The following ARID2 variants were observed in gnomAD, a reference collection of about 807,000 sequenced individuals.
The protein encoded by ARID2 is AT-rich interaction domain 2.
A neutral mutation model predicts 184.6 loss-of-function variants in ARID2; 32 were observed. The ratio of observed to expected loss-of-function variants is 0.17; its 90% CI spans 0.13 to 0.23. The LOEUF (loss-of-function observed/expected upper bound fraction) is 0.23. ARID2 is among the 10% of genes least tolerant of loss of function. ARID2 has a pLI of 1.00. For synonymous variants in ARID2, 836 were observed against 772.6 expected, an observed-to-expected ratio of 1.08 and a Z score of -1.36; for missense variants, 1,696 against 2,197.6, an observed-to-expected ratio of 0.77 and a Z score of 4.56.
chr12:45,803,342 A>G (rs1417085246), intron 3 of ARID2, among the ~76,000 whole-genome samples: 2 of 152,078 alleles, frequency 1.3e-5, no homozygotes, highest in African/African-American at 4.8e-5. Flanking sequence ...TTTTTTTGCC[A>G]TATCTTCCAT....
At chr12:45,735,573 A>G (rs1046014657) in intron 3 of ARID2, among the ~76,000 whole-genome samples, 5 of 151,926 alleles carry the variant, frequency 3.3e-5, no homozygotes, top group Admixed American at 6.6e-5. Context: ...ACTGTGCCTC[A>G]GCCTTCCAAA....
At chr12:45,756,176 G>A (rs769293551) in intron 3 of ARID2, among the ~76,000 whole-genome samples, 4 of 152,140 alleles carry the variant, frequency 2.6e-5, no homozygotes, top group Admixed American at 6.5e-5. Context: ...AAAGTGCTGG[G>A]ATTACAGGCA....
intron 3 of ARID2, among the ~76,000 whole-genome samples, chr12:45,756,347 T>C (rs1000287255): frequency 1.3e-5 from 2 of 152,222 alleles, no homozygotes; most frequent in East Asian, 3.8e-4. Context: ...CATCATATCT[T>C]ATTAAAATTC....
rs572264981 is a variant in ARID2, at chr12:45,887,145, G to A, written c.4923-4635G>A. Among the ~76,000 whole-genome samples, 4 of 152,246 alleles carry A rather than the reference G, an allele frequency of 2.6e-5. 1 individual carries two copies. Among genetic ancestry groups the A allele is most frequent in the African/African-American group, 9.6e-5 (4 of 41,530 alleles). ...AAGAAAATACAATTTGGCTGAAGGG[G>A]AATTAAATGAAGAATAGAAGCTAAT... On this transcript the variant is annotated intron_variant, in intron 16 of 20. Coordinates refer to ENST00000334344, the MANE Select transcript of ARID2 (RefSeq NM_152641.4).
At chr12:45,890,639 C>T (rs1335948391) in intron 16 of ARID2, among the ~76,000 whole-genome samples, 1 of 152,036 alleles carries the variant, frequency 6.6e-6, no homozygotes, top group African/African-American at 2.4e-5. Context: ...TATATAGATG[C>T]ATGTGATGGA....
intron 3 of ARID2, among the ~76,000 whole-genome samples, chr12:45,803,840 C>A (rs1942551159): frequency 6.6e-6 from 1 of 152,132 alleles, no homozygotes; most frequent in Non-Finnish European, 1.5e-5. Context: ...TTAGATAATA[C>A]ATCTTTAAGT....
At chr12:45,747,114 C>T (rs1362804816) in intron 3 of ARID2, among the ~76,000 whole-genome samples, 1 of 152,106 alleles carries the variant, frequency 6.6e-6, no homozygotes, top group Non-Finnish European at 1.5e-5. Flanking sequence ...ATACTGTCTT[C>T]CCCCAATTCA....
chr12:45,804,691 A>T (rs1253889805), intron 3 of ARID2, among the ~76,000 whole-genome samples: 1 of 152,224 alleles, frequency 6.6e-6, no homozygotes, highest in East Asian at 1.9e-4. Flanking sequence ...TGTTAAAAAA[A>T]TTTTTAAATT....
chr12:45,730,107 C>T lies in ARID2; in HGVS notation c.156C>T (p.Thr52=). The T allele has an allele frequency of 6.2e-7, 1 of 1,613,678 alleles. No homozygotes were observed. Among genetic ancestry groups the T allele is most frequent in the South Asian group, 1.1e-5 (1 of 91,058 alleles). ...AGCTGGATCTTCACGGTCTCTACAC[C>T]AGAGTCACTACTTTAGGCGGATTCG... is the stretch of plus-strand genomic sequence containing the variant. The part of the protein sequence containing the change: ...GKELDLHGLY[T]RVTTLGGFAK... The change falls in exon 2 of 21, where the codon ACC becomes ACT. Residue 52 remains threonine, a synonymous_variant. Coordinates refer to ENST00000334344, the MANE Select transcript of ARID2 (RefSeq NM_152641.4).
At chr12:45,867,282 T>G (rs1943845289) in intron 16 of ARID2, among the ~76,000 whole-genome samples, 1 of 151,670 alleles carries the variant, frequency 6.6e-6, no homozygotes, top group Non-Finnish European at 1.5e-5. Flanking sequence ...AGACAAGGTC[T>G]TGTTCTGTCA....
chr12:45,860,551 ATATATTT>A (rs1943725084), intron 15 of ARID2, among the ~76,000 whole-genome samples: 1 of 151,814 alleles, frequency 6.6e-6, no homozygotes, highest in Non-Finnish European at 1.5e-5. Context: ...TTTAAATAAT[ATATATTT>A]TATAGTGGTA....
chr12:45,750,580 C>A (rs1299223656), intron 3 of ARID2, among the ~76,000 whole-genome samples: 1 of 152,058 alleles, frequency 6.6e-6, no homozygotes, highest in Admixed American at 6.6e-5. Flanking sequence ...ATGAAGTATG[C>A]CTGTATTGAC....
At chr12:45,730,409 T>C (rs1940961156) in intron 2 of ARID2, among the ~76,000 whole-genome samples, 1 of 142,470 alleles carries the variant, frequency 7.0e-6, no homozygotes, top group Non-Finnish European at 1.5e-5. Flanking sequence ...CGGCGGGGTC[T>C]GAGCGCCGCG....
At position 45,730,027 on chromosome 12, in the gene ARID2, C is replaced by CTT; in HGVS notation, c.93-13_93-12dup. 1.2e-6 allele frequency: 2 copies of CTT among 1,612,308 alleles called. No homozygotes were observed. The highest frequency in any genetic ancestry group is 1.7e-6 in the Non-Finnish European group (2 of 1,179,306). Reference sequence around the variant, plus strand: ...GGGGTCCCGGCTGACAAGTGCGGGGCTTTTTCTCTCCCGCAGGTCGCCTTT... The same window carrying CTT: ...GGGGTCCCGGCTGACAAGTGCGGGGCTTTTTTTCTCTCCCGCAGGTCGCCTTT... On this transcript the variant is annotated splice_polypyrimidine_tract_variant and intron_variant, in intron 1 of 20. Transcript: ENST00000334344.
At chr12:45,829,105 G>T (rs1943060031) in intron 6 of ARID2, among the ~76,000 whole-genome samples, 1 of 151,616 alleles carries the variant, frequency 6.6e-6, no homozygotes, top group South Asian at 2.1e-4. Context: ...GTAAAGATTT[G>T]GTTTTTTTCC....
At chr12:45,901,208 T>C (rs1377157964) in intron 20 of ARID2, among the ~76,000 whole-genome samples, 11 of 137,536 alleles carry the variant, frequency 8.0e-5, no homozygotes, top group Non-Finnish European at 1.5e-4. Context: ...TCTCGCTCCG[T>C]TGCCCAGGCT....
chr12:45,769,842 C>T (rs1941835387), intron 3 of ARID2, among the ~76,000 whole-genome samples: 1 of 152,146 alleles, frequency 6.6e-6, no homozygotes, highest in Non-Finnish European at 1.5e-5. Context: ...TAATAACTGC[C>T]TTCTTATCAG....
At chr12:45,780,034 A>C (rs578157166) in intron 3 of ARID2, among the ~76,000 whole-genome samples, 148 of 152,204 alleles carry the variant, frequency 9.7e-4, no homozygotes, top group Admixed American at 2.5e-3. Flanking sequence ...AAGGATTGTG[A>C]AAGTTAATAC....
chr12:45,792,413 C>G (rs1165471337), intron 3 of ARID2, among the ~76,000 whole-genome samples: 1 of 152,112 alleles, frequency 6.6e-6, no homozygotes, highest in Non-Finnish European at 1.5e-5. Flanking sequence ...TATATATGAT[C>G]CCAATTGTTT....
Sources: allele counts gnomAD v4.1 joint callset (sites outside exome capture counted in the v4.1 genomes callset), GRCh38; gene constraint gnomAD v4.1.1; transcripts MANE v1.5; gene names NCBI Gene and HGNC (gene_info 2026-07-23, HGNC 2026-07-21).